ATP10D: variants seen among roughly 807,000 people sequenced by gnomAD.
ATP10D encodes phospholipid-transporting ATPase VD.
A neutral mutation model predicts 144.8 loss-of-function variants in ATP10D; 89 were observed. The observed-to-expected ratio is 0.61, with a 90% CI of 0.52 to 0.73. The LOEUF is 0.73. ATP10D is among the 30% of genes least tolerant of loss of function. The pLI, the probability that ATP10D is intolerant of heterozygous loss-of-function variation, is 0.00. For missense variants in ATP10D, 1,603 were observed against 1,714.8 expected (o/e 0.93, Z 1.15); for synonymous variants, 571 against 615.1 (o/e 0.93, Z 1.06).
intron 9 of ATP10D, among the ~76,000 whole-genome samples, chr4:47,542,730 C>T (rs112860625): frequency 2.2e-4 from 34 of 152,312 alleles, no homozygotes; most frequent in African/African-American, 1.9e-4. Flanking sequence ...CCACCCACCT[C>T]GGCCTCCCAA....
Position 47,509,185 on chromosome 4 carries a change from G to A in ATP10D, c.-37-3319G>A, listed in dbSNP as rs941501321. ...CAGTAATTTTCTACCATAAGATTCT[G>A]TTTTCTTCTTCTTTTTTAAATCTGA... On this transcript the variant is annotated intron_variant, in intron 1 of 22. Coordinates refer to ENST00000273859, the MANE Select transcript of ATP10D (RefSeq NM_020453.4). Among the ~76,000 whole-genome samples, 3 of 151,940 alleles carry A rather than the reference G, an allele frequency of 2.0e-5. No homozygotes were observed. In the South Asian group the frequency reaches 6.2e-4, roughly 32 times the overall value.
rs147672055 is a variant in ATP10D at position 47,508,252 on chromosome 4, G to A, written c.-37-4252G>A. Among the ~76,000 whole-genome samples, 37 of 152,258 alleles carry A rather than the reference G, an allele frequency of 2.4e-4. 1 individual carries two copies. Among genetic ancestry groups the A allele is most frequent in the African/African-American group, 8.4e-4 (35 of 41,540 alleles). On this transcript the variant is annotated intron_variant, in intron 1 of 22. Transcript: ENST00000273859. ...GTCATGCCTGTCTTTTTGATTGTTC[G>A]GTTTTCTGTTTGTATCCTACCTAAT... is the stretch of plus-strand genomic sequence containing the variant.
chr4:47,530,025 C>A (rs1207219489), intron 5 of ATP10D, among the ~76,000 whole-genome samples: 1 of 152,108 alleles, frequency 6.6e-6, no homozygotes, highest in African/African-American at 2.4e-5. Context: ...AGTTGCTTAT[C>A]AAGTATAGGA....
chr4:47,496,011 A>G (rs1314043055), intron 1 of ATP10D, among the ~76,000 whole-genome samples: 2 of 152,098 alleles, frequency 1.3e-5, no homozygotes, highest in Non-Finnish European at 2.9e-5. Context: ...TGTTAGAATT[A>G]CAGGTGTGAG....
chr4:47,525,459 C>G (rs1717192039), intron 4 of ATP10D, 98 bp from the exon 5 acceptor site: 1 of 861,564 alleles, frequency 1.2e-6, no homozygotes, highest in Non-Finnish European at 1.9e-6. Flanking sequence ...TGCAAAAAGG[C>G]TTAGCATTAT....
At chr4:47,512,383 C>T in intron 1 of ATP10D, 121 bp from the exon 2 acceptor site, 1 of 624,518 alleles carries the variant, frequency 1.6e-6, no homozygotes, top group East Asian at 2.8e-5. Flanking sequence ...CTTTTACTTT[C>T]TCCCTTACAT....
chr4:47,583,984 C>T (rs973610584), intron 21 of ATP10D, among the ~76,000 whole-genome samples: 1 of 152,088 alleles, frequency 6.6e-6, no homozygotes, highest in Non-Finnish European at 1.5e-5. Flanking sequence ...ATCCTATTTC[C>T]CTAGCTTAAG....
At position 47,568,881 on chromosome 4, in the gene ATP10D, G is replaced by A. The variant is rs1400838203; in HGVS notation, c.2898G>A (p.Gln966=). The stretch of plus-strand genomic sequence containing the variant: ...TGAGCACAATTTTGAAAGAACTTCA[G>A]AAGAAAACTCAAGCCCTGCCAGAGC... The part of the protein sequence containing the change: ...MLMSTILKEL[Q]KKTQALPEQV... Residue 966 remains glutamine (Q), a synonymous_variant, in exon 16 of 23, where the codon CAG becomes CAA. Coordinates refer to ENST00000273859, the MANE Select transcript of ATP10D (RefSeq NM_020453.4). The A allele has an allele frequency of 3.1e-6, 5 of 1,614,048 alleles. No homozygotes were observed. The highest frequency in any genetic ancestry group is 4.2e-6 in the Non-Finnish European group (5 of 1,180,042).
At chr4:47,590,966 C>T (rs893162782) in intron 22 of ATP10D, 76 bp from the exon 23 acceptor site, 51 of 1,097,254 alleles carry the variant, frequency 4.6e-5, no homozygotes, top group African/African-American at 7.5e-5. Flanking sequence ...TTTTTTAATT[C>T]GTTAGTATTT....
intron 15 of ATP10D, among the ~76,000 whole-genome samples, chr4:47,568,543 G>A (rs571671083): frequency 6.6e-6 from 1 of 152,152 alleles, no homozygotes; most frequent in Non-Finnish European, 1.5e-5. Context: ...GGCAGAATGA[G>A]ACCAGAGGAC....
Position 47,512,685 on chromosome 4 carries a change from A to C in ATP10D, c.145A>C (p.Arg49=). The C allele has an allele frequency of 6.2e-7, 1 of 1,614,210 alleles. No homozygotes were observed. Among genetic ancestry groups the C allele is most frequent in the Non-Finnish European group, 8.5e-7 (1 of 1,180,034 alleles). Residue 49 remains arginine (R), a synonymous_variant, in exon 2 of 23, where the codon AGG becomes CGG. Coordinates refer to ENST00000273859, the MANE Select transcript of ATP10D (RefSeq NM_020453.4). Reference sequence around the variant, plus strand: ...CTCTCAGACCCCTAAACTGTCAGGAAGGCACCGGATTGTTGTTCCCCACAT... The same window carrying C: ...CTCTCAGACCCCTAAACTGTCAGGACGGCACCGGATTGTTGTTCCCCACAT... ...KSSQTPKLSG[R]HRIVVPHIQP... is the part of the protein sequence containing the mutation.
intron 5 of ATP10D, among the ~76,000 whole-genome samples, chr4:47,534,608 C>G (rs1003024826): frequency 2.0e-5 from 3 of 152,148 alleles, no homozygotes; most frequent in Non-Finnish European, 4.4e-5. Context: ...TTCCCATCAG[C>G]CTTTTTAACC....
At chr4:47,590,066 G>A (rs996816604) in intron 22 of ATP10D, among the ~76,000 whole-genome samples, 7 of 152,008 alleles carry the variant, frequency 4.6e-5, no homozygotes, top group East Asian at 1.9e-4. Context: ...ATGAGGACTC[G>A]GAAGAAAATG....
chr4:47,513,999 A>T (rs576412717), intron 2 of ATP10D, among the ~76,000 whole-genome samples: 2 of 152,230 alleles, frequency 1.3e-5, no homozygotes, highest in Non-Finnish European at 2.9e-5. Context: ...CAGTGAAAGG[A>T]GTAAAAAAGA....
chr4:47,535,106 T>C (rs28678686), intron 5 of ATP10D, among the ~76,000 whole-genome samples: 9,460 of 151,986 alleles, frequency 0.062, 977 homozygotes, highest in African/African-American at 0.22. Context: ...AAGTGGGAGC[T>C]AAACATTTAG....
At chr4:47,544,482 T>G (rs1173266423) in intron 9 of ATP10D, among the ~76,000 whole-genome samples, 1 of 152,180 alleles carries the variant, frequency 6.6e-6, no homozygotes, top group Non-Finnish European at 1.5e-5. Context: ...GTAAACCAGT[T>G]TTTGAAGCTG....
chr4:47,522,021 A>G (rs1716967459), intron 3 of ATP10D, among the ~76,000 whole-genome samples: 1 of 152,242 alleles, frequency 6.6e-6, no homozygotes, highest in Non-Finnish European at 1.5e-5. Context: ...CTGATGAAAT[A>G]AAATAAGTGT....
intron 5 of ATP10D, among the ~76,000 whole-genome samples, chr4:47,528,876 G>A (rs1350175459): frequency 6.6e-6 from 1 of 152,066 alleles, no homozygotes; most frequent in Non-Finnish European, 1.5e-5. Flanking sequence ...GTATCTCATT[G>A]TGGTTTTAAT....
intron 1 of ATP10D, among the ~76,000 whole-genome samples, chr4:47,486,358 C>A (rs1007092153): frequency 6.6e-6 from 1 of 152,160 alleles, no homozygotes; most frequent in Non-Finnish European, 1.5e-5. Flanking sequence ...TTTCTTCTTG[C>A]GTTCTTTTCA....
Sources: gnomAD v4.1 joint callset for allele counts (sites outside exome capture counted in the v4.1 genomes callset) on GRCh38, gnomAD v4.1.1 for gene constraint, MANE v1.5 for transcripts, NCBI Gene and HGNC (gene_info 2026-07-23, HGNC 2026-07-21) for gene names.